NXPE4: variants seen among roughly 807,000 people sequenced by gnomAD.
NXPE4 encodes neurexophilin and PC-esterase domain family member 4.
Under a neutral mutation model 33.3 loss-of-function variants are expected in NXPE4, and 42 were observed. The observed-to-expected ratio is 1.26, with a 90% CI of 0.98 to 1.63. NXPE4 has a LOEUF of 1.63. Ranked by LOEUF, NXPE4 falls within the 40% of genes most tolerant of loss-of-function variation. NXPE4 has a pLI of 0.00. For missense variants in NXPE4, 709 were observed against 647.6 expected, an observed-to-expected ratio of 1.09 and a Z score of -1.03; for synonymous variants, 253 against 234.9, an observed-to-expected ratio of 1.08 and a Z score of -0.71.
At chr11:114,664,449 C>CAA in the NXPE4 span, among the ~76,000 whole-genome samples, 9 of 150,968 alleles carry the variant, frequency 6.0e-5, no homozygotes, top group Non-Finnish European at 1.0e-4. Flanking sequence ...CAACTGTAAA[C>CAA]AAAAAAAAAT....
At chr11:114,631,212 A>T in the NXPE4 span, among the ~76,000 whole-genome samples, 8 of 151,994 alleles carry the variant, frequency 5.3e-5, no homozygotes, top group African/African-American at 1.9e-4. Context: ...TGCTATAAAG[A>T]CACATGCACA....
upstream of NXPE4, among the ~76,000 whole-genome samples, chr11:114,599,811 G>A (rs1301306048): frequency 3.9e-5 from 6 of 152,190 alleles, no homozygotes; most frequent in South Asian, 4.1e-4. Context: ...CTCTGCCCCC[G>A]TGATCCAATT....
At chr11:114,598,559 G>A (rs1381112176), upstream of NXPE4, among the ~76,000 whole-genome samples, 1 of 152,220 alleles carries the variant, frequency 6.6e-6, no homozygotes, top group Non-Finnish European at 1.5e-5. Flanking sequence ...AGTCTCTCAA[G>A]CCTCAACTCT....
chr11:114,634,869 G>C, the NXPE4 span, among the ~76,000 whole-genome samples: 2 of 151,688 alleles, frequency 1.3e-5, no homozygotes, highest in African/African-American at 2.4e-5. Flanking sequence ...TACTGTAGCC[G>C]TGTAGTATAG....
intron 4 of NXPE4, 67 bp from the exon 5 acceptor site, chr11:114,580,405 C>A: frequency 7.2e-7 from 1 of 1,380,552 alleles, no homozygotes; most frequent in Non-Finnish European, 1.0e-6. Context: ...GTATTAAGAG[C>A]CTTCTATCCT....
chr11:114,603,870 A>G, the NXPE4 span, among the ~76,000 whole-genome samples: 1 of 147,392 alleles, frequency 6.8e-6, no homozygotes, highest in African/African-American at 2.5e-5. Flanking sequence ...TAGGTAACTA[A>G]TATTATCTGG....
chr11:114,655,566 A>G, the NXPE4 span, among the ~76,000 whole-genome samples: 5 of 152,156 alleles, frequency 3.3e-5, no homozygotes, highest in Non-Finnish European at 4.4e-5. Context: ...TCCCAGCACC[A>G]TTTACTGAAT....
chr11:114,617,459 G>A, the NXPE4 span, among the ~76,000 whole-genome samples: 1 of 152,030 alleles, frequency 6.6e-6, no homozygotes, highest in Non-Finnish European at 1.5e-5. Flanking sequence ...GATAACCACT[G>A]TTATCTGCTG....
the NXPE4 span, among the ~76,000 whole-genome samples, chr11:114,639,818 A>AATATAATATATATTATATTAAATATAAT: frequency 8.4e-6 from 1 of 118,726 alleles, no homozygotes; most frequent in South Asian, 2.3e-4. Context: ...AATAATATAA[A>AATATAATATATATTATATTAAATATAAT]ATATAATATA....
At chr11:114,631,150 T>A in the NXPE4 span, among the ~76,000 whole-genome samples, 3 of 152,034 alleles carry the variant, frequency 2.0e-5, no homozygotes, top group Non-Finnish European at 4.4e-5. Flanking sequence ...AAATACCATT[T>A]GACCCAGCCA....
At chr11:114,584,597 AAG>A (rs1949246139) in intron 2 of NXPE4, 1 of 159,440 alleles carries the variant, frequency 6.3e-6, no homozygotes, top group African/African-American at 2.4e-5. Context: ...CAGGATGAAA[AAG>A]AGAGACTCAG....
chr11:114,663,660 T>TATCC, the NXPE4 span, among the ~76,000 whole-genome samples: 9 of 132,722 alleles, frequency 6.8e-5, no homozygotes, highest in Non-Finnish European at 4.9e-5. Context: ...ATCATCTATT[T>TATCC]ATCTATCATC....
the NXPE4 span, among the ~76,000 whole-genome samples, chr11:114,670,259 T>C: frequency 2.0e-5 from 3 of 152,012 alleles, no homozygotes; most frequent in East Asian, 5.8e-4. Flanking sequence ...AAATAAGACA[T>C]GGTCAAAGAG....
At chr11:114,614,393 C>T in the NXPE4 span, among the ~76,000 whole-genome samples, 236 of 151,544 alleles carry the variant, frequency 1.6e-3, no homozygotes, top group African/African-American at 5.2e-3. Flanking sequence ...ATAAGTGTAG[C>T]CTCTAGGGTA....
chr11:114,677,624 C>T, the NXPE4 span, among the ~76,000 whole-genome samples: 4 of 151,982 alleles, frequency 2.6e-5, no homozygotes, highest in African/African-American at 9.7e-5. Context: ...GTTCTGATAT[C>T]CATGCTGTTA....
At chr11:114,618,297 C>T in the NXPE4 span, among the ~76,000 whole-genome samples, 1 of 151,940 alleles carries the variant, frequency 6.6e-6, no homozygotes, top group African/African-American at 2.4e-5. Flanking sequence ...TGGGTAACCA[C>T]TGTTATCTGT....
chr11:114,622,170 A>G, the NXPE4 span, among the ~76,000 whole-genome samples: 1 of 151,940 alleles, frequency 6.6e-6, no homozygotes, highest in Admixed American at 6.6e-5. Flanking sequence ...CCAGTGGATA[A>G]TAAGTATTGC....
chr11:114,636,149 T>C, the NXPE4 span, among the ~76,000 whole-genome samples: 3 of 152,090 alleles, frequency 2.0e-5, no homozygotes, highest in South Asian at 6.2e-4. Context: ...GAGCCTGTTA[T>C]TGGTCTATTC....
the NXPE4 span, among the ~76,000 whole-genome samples, chr11:114,641,963 T>A: frequency 1.3e-5 from 2 of 152,030 alleles, no homozygotes; most frequent in African/African-American, 4.8e-5. Flanking sequence ...CATATTTTTG[T>A]GGTATATAAC....
Sources: gnomAD v4.1 joint callset for allele counts (sites outside exome capture counted in the v4.1 genomes callset) on GRCh38, gnomAD v4.1.1 for gene constraint, MANE v1.5 for transcripts, NCBI Gene and HGNC (gene_info 2026-07-23, HGNC 2026-07-21) for gene names.